The following MYRIP variants were observed in gnomAD, a reference collection of about 807,000 sequenced individuals.
MYRIP encodes rab effector MyRIP.
In MYRIP, 49 loss-of-function variants were observed where a neutral mutation model predicts 98.0. The observed-to-expected ratio is 0.50, with a 90% CI of 0.40 to 0.63. The LOEUF is 0.63. Among genes scored for constraint, MYRIP ranks in the 30% least tolerant of loss-of-function variants. MYRIP has a pLI of 0.00. For missense variants in MYRIP, 1,004 were observed against 1,058.2 expected (o/e 0.95, Z 0.71); for synonymous variants, 404 against 409.5 (o/e 0.99, Z 0.16).
chr3:40,192,348 A>ATATATGTCATATATATATT (rs2125633942), intron 10 of MYRIP, among the ~76,000 whole-genome samples: 1 of 133,252 alleles, frequency 7.5e-6, no homozygotes, highest in East Asian at 2.4e-4. Flanking sequence ...TATGTCATAT[A>ATATATGTCATATATATATT]TATATTTATA....
At chr3:39,877,400 T>C (rs980973876) in intron 1 of MYRIP, among the ~76,000 whole-genome samples, 4 of 152,084 alleles carry the variant, frequency 2.6e-5, no homozygotes, top group Admixed American at 2.6e-4. Flanking sequence ...TGCGTTCCTT[T>C]GGAGGAGGAG....
chr3:40,122,539 T>C (rs1191870166), intron 3 of MYRIP, among the ~76,000 whole-genome samples: 2 of 151,796 alleles, frequency 1.3e-5, no homozygotes, highest in Non-Finnish European at 2.9e-5. Context: ...TTTCTACACA[T>C]TTTTTTCTAT....
At chr3:40,032,804 G>T (rs1353336807) in intron 2 of MYRIP, among the ~76,000 whole-genome samples, 1 of 152,102 alleles carries the variant, frequency 6.6e-6, no homozygotes, top group African/African-American at 2.4e-5. Flanking sequence ...GATGAAAATT[G>T]ATGCAAAAAT....
intron 10 of MYRIP, among the ~76,000 whole-genome samples, chr3:40,207,937 ATGT>A (rs1485695984): frequency 1.3e-5 from 2 of 152,156 alleles, no homozygotes; most frequent in African/African-American, 4.8e-5. Context: ...TGATTGTGAA[ATGT>A]TGTTCTCTGT....
chr3:39,876,282 T>C (rs1199620543), intron 1 of MYRIP, among the ~76,000 whole-genome samples: 6 of 152,336 alleles, frequency 3.9e-5, no homozygotes, highest in African/African-American at 1.4e-4. Flanking sequence ...TGTTGGGTCT[T>C]GACTCTTTAT....
At chr3:40,124,617 C>T (rs1248884189) in intron 3 of MYRIP, among the ~76,000 whole-genome samples, 2 of 152,162 alleles carry the variant, frequency 1.3e-5, no homozygotes, top group Admixed American at 6.5e-5. Flanking sequence ...GGAGGCTTCT[C>T]CTGGAGAGAA....
intron 1 of MYRIP, among the ~76,000 whole-genome samples, chr3:39,872,813 T>C (rs1267501813): frequency 6.6e-6 from 1 of 152,230 alleles, no homozygotes; most frequent in East Asian, 1.9e-4. Flanking sequence ...TGTATGTGTC[T>C]TTATAGCAGC....
intron 1 of MYRIP, among the ~76,000 whole-genome samples, chr3:39,825,397 A>G (rs987025202): frequency 1.3e-5 from 2 of 152,174 alleles, no homozygotes; most frequent in African/African-American, 4.8e-5. Context: ...AGTTTTTATC[A>G]TGAAGGGATG....
At chr3:40,244,698 T>C (rs2125713721) in intron 13 of MYRIP, 91 bp downstream of exon 13, 2 of 1,351,234 alleles carry the variant, frequency 1.5e-6, no homozygotes, top group South Asian at 1.6e-5. Flanking sequence ...CCATTGTATC[T>C]ATCAGCTCCC....
intron 2 of MYRIP, among the ~76,000 whole-genome samples, chr3:40,037,834 C>CTT (rs1947418302): frequency 6.6e-6 from 1 of 152,240 alleles, no homozygotes; most frequent in African/African-American, 2.4e-5. Flanking sequence ...CTGGCTCACA[C>CTT]TTTCTCCTTT....
intron 1 of MYRIP, among the ~76,000 whole-genome samples, chr3:39,871,567 G>A (rs575013137): frequency 3.9e-5 from 6 of 151,946 alleles, no homozygotes; most frequent in Non-Finnish European, 8.8e-5. Context: ...ACTGTCTTTC[G>A]ACTCAATTTC....
intron 10 of MYRIP, 81 bp downstream of exon 10, chr3:40,190,544 T>A: frequency 1.3e-6 from 2 of 1,494,450 alleles, no homozygotes; most frequent in South Asian, 2.8e-5. Flanking sequence ...TGGCATAGAG[T>A]CCTGGGTTTG....
intron 3 of MYRIP, among the ~76,000 whole-genome samples, chr3:40,133,850 T>C (rs1324676431): frequency 6.6e-6 from 1 of 152,196 alleles, no homozygotes; most frequent in East Asian, 1.9e-4. Context: ...GTCATATAGA[T>C]TCGACAACTC....
At chr3:39,968,766 A>T (rs932059429) in intron 2 of MYRIP, among the ~76,000 whole-genome samples, 1 of 152,108 alleles carries the variant, frequency 6.6e-6, no homozygotes, top group Admixed American at 6.6e-5. Context: ...TGATACCTCC[A>T]GCTTTGTTCA....
Position 40,170,097 on chromosome 3 carries a change from A to G in MYRIP, c.873+4A>G. Reference sequence around the variant, plus strand: ...CCGTGCTCCCGCTGCCCTCTGGGTGAGTCCCCAAGCAGTGCTGGTCTACCC... The same window carrying G: ...CCGTGCTCCCGCTGCCCTCTGGGTGGGTCCCCAAGCAGTGCTGGTCTACCC... On this transcript the variant is annotated splice_donor_region_variant and intron_variant, in intron 8 of 16. Coordinates refer to ENST00000302541, the MANE Select transcript of MYRIP (RefSeq NM_015460.4). 1 of 1,613,992 alleles carries G rather than the reference A, an allele frequency of 6.2e-7. No homozygotes were observed.
intron 3 of MYRIP, among the ~76,000 whole-genome samples, chr3:40,100,824 A>G (rs1948931321): frequency 6.6e-6 from 1 of 152,224 alleles, no homozygotes; most frequent in Non-Finnish European, 1.5e-5. Flanking sequence ...ACACAGCATG[A>G]TACTATATCC....
At chr3:39,967,713 G>A (rs1397997014) in intron 2 of MYRIP, among the ~76,000 whole-genome samples, 1 of 152,120 alleles carries the variant, frequency 6.6e-6, no homozygotes, top group African/African-American at 2.4e-5. Context: ...GTGTATAAGT[G>A]TTCCCATTTC....
At chr3:39,986,255 A>G (rs1460019891) in intron 2 of MYRIP, among the ~76,000 whole-genome samples, 7 of 152,184 alleles carry the variant, frequency 4.6e-5, no homozygotes, top group Non-Finnish European at 7.4e-5. Context: ...ATGTCCCCAA[A>G]GGGCCAGCCT....
intron 16 of MYRIP, among the ~76,000 whole-genome samples, chr3:40,257,585 T>A (rs972621293): frequency 1.3e-5 from 2 of 152,220 alleles, no homozygotes; most frequent in African/African-American, 4.8e-5. Flanking sequence ...TCTTCCCAAA[T>A]TAATTTGTAG....
Sources: gnomAD v4.1 joint callset for allele counts (sites outside exome capture counted in the v4.1 genomes callset) on GRCh38, gnomAD v4.1.1 for gene constraint, MANE v1.5 for transcripts, NCBI Gene and HGNC (gene_info 2026-07-23, HGNC 2026-07-21) for gene names.